The following PSMD1 variants were observed in gnomAD, a reference collection of about 807,000 sequenced individuals.
PSMD1 encodes 26S proteasome non-ATPase regulatory subunit 1.
In PSMD1, 18 loss-of-function variants were observed where a neutral mutation model predicts 119.0. That is an observed-to-expected ratio of 0.15 (90% CI 0.10 to 0.22). The LOEUF (loss-of-function observed/expected upper bound fraction) is 0.22. Among genes scored for constraint, PSMD1 ranks in the 10% least tolerant of loss-of-function variants. PSMD1 has a pLI of 1.00. For missense variants in PSMD1, 702 were observed against 1,158.5 expected (o/e 0.61, Z 5.72); for synonymous variants, 374 against 396.6 (o/e 0.94, Z 0.68).
chr2:231,068,007 C>G (rs972236889), intron 5 of PSMD1, among the ~76,000 whole-genome samples: 1 of 152,176 alleles, frequency 6.6e-6, no homozygotes, highest in African/African-American at 2.4e-5. Flanking sequence ...CAAAACTTAG[C>G]TCAACTATCC....
intron 21 of PSMD1, among the ~76,000 whole-genome samples, 164 bp downstream of exon 21, chr2:231,163,891 T>A (rs1696696178): frequency 1.3e-5 from 2 of 152,230 alleles, no homozygotes; most frequent in African/African-American, 4.8e-5. Context: ...TGTCTCTTGG[T>A]CATCCAAGTC....
intron 16 of PSMD1, among the ~76,000 whole-genome samples, chr2:231,092,314 C>CCTGT (rs1055048065): frequency 9.2e-5 from 14 of 152,242 alleles, no homozygotes; most frequent in African/African-American, 3.4e-4. Flanking sequence ...GCAAACCAAA[C>CCTGT]CTGTCCCTGC....
At chr2:231,108,545 T>C in intron 16 of PSMD1, 1 of 1,613,962 alleles carries the variant, frequency 6.2e-7, no homozygotes, top group Middle Eastern at 1.7e-4. Flanking sequence ...CTCTTCAGTT[T>C]TGTCACCTTC....
intron 10 of PSMD1, 58 bp from the exon 11 acceptor site, chr2:231,079,478 A>G: frequency 1.7e-6 from 2 of 1,208,424 alleles, no homozygotes; most frequent in Middle Eastern, 2.3e-4. Context: ...AGAGTTAAAA[A>G]GCTTTAAGGA....
At chr2:231,146,111 A>C (rs1309257744) in intron 17 of PSMD1, 129 bp from the exon 18 acceptor site, 6 of 619,466 alleles carry the variant, frequency 9.7e-6, no homozygotes, top group Non-Finnish European at 1.7e-5. Flanking sequence ...ACTCCATTAT[A>C]ATGGGACTAC....
At chr2:231,123,248 A>G (rs1639666025) in intron 16 of PSMD1, among the ~76,000 whole-genome samples, 1 of 152,202 alleles carries the variant, frequency 6.6e-6, no homozygotes, top group South Asian at 2.1e-4. Context: ...CTGCTGATCA[A>G]CCATAGAGAA....
intron 5 of PSMD1, among the ~76,000 whole-genome samples, 181 bp downstream of exon 5, chr2:231,067,292 G>A (rs1369166379): frequency 2.0e-5 from 3 of 152,192 alleles, no homozygotes; most frequent in Non-Finnish European, 2.9e-5. Context: ...TTGTGTTCAT[G>A]AAATATCTGC....
At chr2:231,076,444 A>G (rs1282106169) in intron 8 of PSMD1, among the ~76,000 whole-genome samples, 5 of 152,310 alleles carry the variant, frequency 3.3e-5, no homozygotes, top group South Asian at 2.1e-4. Flanking sequence ...AGGTGGGTGG[A>G]TCACCTGAGG....
At chr2:231,081,942 C>T (rs748695815) in intron 12 of PSMD1, among the ~76,000 whole-genome samples, 4 of 152,206 alleles carry the variant, frequency 2.6e-5, no homozygotes, top group Admixed American at 6.5e-5. Flanking sequence ...CTTTTCTTGA[C>T]ATCTCCCTCT....
At chr2:231,139,314 C>CTTTTTTTTTTTTTTTTTTT (rs60709158) in intron 17 of PSMD1, among the ~76,000 whole-genome samples, 10 of 93,540 alleles carry the variant, frequency 1.1e-4, no homozygotes, top group Non-Finnish European at 1.0e-4. Context: ...TTTTTTCTTT[C>CTTTTTTTTTTTTTTTTTTT]TTTTTTTTTT....
At chr2:231,071,994 A>G (rs1450064965) in intron 6 of PSMD1, among the ~76,000 whole-genome samples, 195 bp from the exon 7 acceptor site, 1 of 152,184 alleles carries the variant, frequency 6.6e-6, no homozygotes, top group Non-Finnish European at 1.5e-5. Flanking sequence ...GAATTTTTTT[A>G]TGGAAGACAG....
chr2:231,123,525 T>C lies in PSMD1; in HGVS notation c.1884-15211T>C, dbSNP rs775648508. 159 of 1,614,058 alleles carry C rather than the reference T, an allele frequency of 9.9e-5. 3 individuals are homozygous for C. The South Asian group carries it at 1.5e-3, about 16-fold the overall frequency. ...TAGCATACTGCAGCTTCTTCTCCAG[T>C]GAAACAGCCAGAATAACAAGGGTAT... On this transcript the variant is annotated intron_variant, in intron 16 of 24. Transcript: ENST00000308696.
At chr2:231,105,914 T>C (rs2125198466) in intron 16 of PSMD1, among the ~76,000 whole-genome samples, 1 of 152,248 alleles carries the variant, frequency 6.6e-6, no homozygotes, top group Admixed American at 6.5e-5. Context: ...TTTGTGTTTC[T>C]GTCTGGGTGC....
chr2:231,119,451 C>T (rs929468738), intron 16 of PSMD1, among the ~76,000 whole-genome samples: 4 of 152,144 alleles, frequency 2.6e-5, no homozygotes, highest in African/African-American at 4.8e-5. Flanking sequence ...TGATCCAACA[C>T]GGGAGAACCA....
intron 16 of PSMD1, chr2:231,113,729 C>A (rs200272468): frequency 1.4e-4 from 225 of 1,612,558 alleles, no homozygotes; most frequent in Non-Finnish European, 1.8e-4. Context: ...CTCTACATAC[C>A]TATTGAAATT....
intron 24 of PSMD1, among the ~76,000 whole-genome samples, chr2:231,172,035 T>C (rs1317043882): frequency 2.0e-5 from 3 of 152,204 alleles, no homozygotes; most frequent in Non-Finnish European, 4.4e-5. Flanking sequence ...TATTTATACC[T>C]CAGGAAGACT....
chr2:231,162,272 C>A (rs1156722750), intron 20 of PSMD1, among the ~76,000 whole-genome samples: 1 of 152,214 alleles, frequency 6.6e-6, no homozygotes, highest in Non-Finnish European at 1.5e-5. Context: ...ATAACTCTTA[C>A]ATCTGGTCAT....
Position 231,072,284 on chromosome 2 carries a change from T to G in PSMD1, c.750T>G (p.Phe250Leu). ...DNLLMAYQIC[F>L]DLYESASQQF... is the part of the protein sequence containing the mutation. Reference sequence around the variant, plus strand: ...TCCTGATGGCATATCAGATTTGTTTTGATTTGTATGAAAGTGCTAGCCAGC... The same window carrying G: ...TCCTGATGGCATATCAGATTTGTTTGGATTTGTATGAAAGTGCTAGCCAGC... The change falls in exon 7 of 25, where the codon TTT becomes TTG. Residue 250 changes from phenylalanine (F) to leucine (L), a missense_variant. This residue lies in a region of PSMD1 where 32 missense variants were observed against 77.1 expected (regional missense o/e 0.42). Coordinates refer to ENST00000308696, the MANE Select transcript of PSMD1 (RefSeq NM_002807.4). 6.2e-7 allele frequency: 1 copy of G among 1,614,000 alleles called. No homozygotes were observed. The highest frequency in any genetic ancestry group is 8.5e-7 in the Non-Finnish European group (1 of 1,179,872).
chr2:231,165,106 A>C, intron 21 of PSMD1, 94 bp from the exon 22 acceptor site: 1 of 471,024 alleles, frequency 2.1e-6, no homozygotes, highest in Non-Finnish European at 3.3e-6. Flanking sequence ...TACAGCTAGG[A>C]AATAGAATAG....
Sources: gnomAD v4.1 joint callset for allele counts (sites outside exome capture counted in the v4.1 genomes callset) on GRCh38, gnomAD v4.1.1 for gene constraint, gnomAD v4.1.1 regional missense constraint, MANE v1.5 for transcripts, NCBI Gene and HGNC (gene_info 2026-07-23, HGNC 2026-07-21) for gene names.